Variants in RFX6 observed in about 807,000 individuals in gnomAD.
RFX6 encodes the protein regulatory factor X6.
Under a neutral mutation model 110.8 loss-of-function variants are expected in RFX6, and 50 were observed. That is an observed-to-expected ratio of 0.45 (90% CI 0.36 to 0.57). The LOEUF (loss-of-function observed/expected upper bound fraction) is 0.57, where lower values mean the gene tolerates loss of function less well. RFX6 is among the 20% of genes least tolerant of loss of function. The pLI, the probability that RFX6 is intolerant of heterozygous loss-of-function variation, is 0.00. For synonymous variants in RFX6, 383 were observed against 411.2 expected, an observed-to-expected ratio of 0.93 and a Z score of 0.83; for missense variants, 990 against 1,127.0, an observed-to-expected ratio of 0.88 and a Z score of 1.74.
chr6:116,916,923 C>T (rs1056126282), intron 9 of RFX6, among the ~76,000 whole-genome samples: 1 of 152,094 alleles, frequency 6.6e-6, no homozygotes, highest in Non-Finnish European at 1.5e-5. Flanking sequence ...ATGGATAAAA[C>T]TATATTGCAA....
chr6:116,877,263 G>C lies in RFX6; in HGVS notation c.-13G>C, dbSNP rs371297678. 3.1e-5 allele frequency: 50 copies of C among 1,596,656 alleles called. No homozygotes were observed. Among genetic ancestry groups the C allele is most frequent in the Non-Finnish European group, 4.1e-5 (48 of 1,170,770 alleles). On this transcript the variant is annotated 5_prime_UTR_variant, in exon 1 of 19. Transcript: ENST00000332958. ...CCGAGCGGCGCGCGCGGAGGTGTCC[G>C]GCGGCCAGGAGGATGGCCAAGGTCC...
rs1052837609 is a variant in RFX6 at position 116,914,558 on chromosome 6, A to T, written c.781-1450A>T. 3.9e-5 allele frequency among the ~76,000 whole-genome samples: 6 copies of T among 152,228 alleles called. No homozygotes were observed. The South Asian group carries it at 1.2e-3, about 32-fold the overall frequency. ...TGAAAATATAATAGCATTGCCTGAAATATAGAGCAATTCTCATTTGCATTG... is the reference window on the plus strand; with the variant it reads ...TGAAAATATAATAGCATTGCCTGAATTATAGAGCAATTCTCATTTGCATTG... On this transcript the variant is annotated intron_variant, in intron 7 of 18. Transcript: ENST00000332958.
At chr6:116,924,620 C>G (rs777509462) in intron 14 of RFX6, 49 bp from the exon 15 acceptor site, 1 of 1,563,376 alleles carries the variant, frequency 6.4e-7, no homozygotes, top group Non-Finnish European at 8.8e-7. Flanking sequence ...TTTCTCTCCC[C>G]TTTTTACATT....
intron 6 of RFX6, among the ~76,000 whole-genome samples, chr6:116,909,680 CAT>C (rs1156607006): frequency 6.1e-5 from 8 of 130,984 alleles, no homozygotes; most frequent in Non-Finnish European, 9.8e-5. Context: ...AAAAATTAAA[CAT>C]AATTTTTAAA....
intron 6 of RFX6, among the ~76,000 whole-genome samples, chr6:116,906,555 G>A (rs1235802851): frequency 2.0e-5 from 3 of 151,934 alleles, no homozygotes; most frequent in Non-Finnish European, 2.9e-5. Flanking sequence ...TATGTAGTTT[G>A]TATTGTACAA....
intron 4 of RFX6, 80 bp downstream of exon 4, chr6:116,882,508 TC>T: frequency 4.8e-6 from 5 of 1,038,232 alleles, no homozygotes; most frequent in Non-Finnish European, 7.6e-6. Flanking sequence ...ATTGTCTTTG[TC>T]AGTACAAAGA....
intron 6 of RFX6, among the ~76,000 whole-genome samples, chr6:116,902,576 C>T (rs1468973038): frequency 6.6e-6 from 1 of 151,894 alleles, no homozygotes; most frequent in East Asian, 1.9e-4. Flanking sequence ...TATTTTCTCC[C>T]CATCAAAGAA....
In RFX6 at chr6:116,895,212, G is replaced by T; in HGVS notation, c.672+5G>T. ...GGAAGCAAGCTAAAGAATGAGGTAA[G>T]AATTATTTTCATCTCTATTTTACAT... On this transcript the variant is annotated splice_donor_5th_base_variant and intron_variant, in intron 6 of 18. Coordinates refer to ENST00000332958, the MANE Select transcript of RFX6 (RefSeq NM_173560.4). 6.9e-7 allele frequency: 1 copy of T among 1,442,956 alleles called. No individual in the cohort carries two copies. The highest frequency in any genetic ancestry group is 1.1e-5 in the South Asian group (1 of 87,366). 89.4% of individuals were successfully genotyped at this position (1,442,956 alleles called of 1,614,324 possible).
chr6:116,916,401 ATATGT>A (rs1775464243), intron 9 of RFX6, 87 bp downstream of exon 9: 1 of 869,988 alleles, frequency 1.1e-6, no homozygotes, highest in Non-Finnish European at 1.9e-6. Context: ...TTTTCAGTAA[ATATGT>A]TATTTATGGC....
chr6:116,914,439 A>G (rs1775420168), intron 7 of RFX6, among the ~76,000 whole-genome samples: 1 of 152,152 alleles, frequency 6.6e-6, no homozygotes, highest in African/African-American at 2.4e-5. Flanking sequence ...CTGGATATAT[A>G]CAGAAAGGGT....
In RFX6 at chr6:116,877,446, G is replaced by A. The variant is rs752179365; in HGVS notation, c.171G>A (p.Gln57=). The A allele has an allele frequency of 1.3e-6, 2 of 1,581,914 alleles. No homozygotes were observed. Among genetic ancestry groups the A allele is most frequent in the East Asian group, 4.6e-5 (2 of 43,192 alleles). ...CCGAAGGGCAGCCCGGGGGCGAGCA[G>A]GGCGGCGGGGAGAAAGGCGAAGACC... ...LAAEGQPGGE[Q]GGGEKGEDPE... The change falls in exon 1 of 19, where the codon CAG becomes CAA. Residue 57 remains glutamine, a synonymous_variant. Coordinates refer to ENST00000332958, the MANE Select transcript of RFX6 (RefSeq NM_173560.4).
At chr6:116,916,431 C>CTT in intron 9 of RFX6, 117 bp downstream of exon 9, 4 of 681,348 alleles carry the variant, frequency 5.9e-6, no homozygotes, top group Non-Finnish European at 1.0e-5. Flanking sequence ...TATACACTGT[C>CTT]TTTTTTTTTG....
intron 6 of RFX6, among the ~76,000 whole-genome samples, chr6:116,907,376 A>G (rs535440982): frequency 4.1e-4 from 63 of 152,246 alleles, no homozygotes; most frequent in African/African-American, 1.3e-3. Flanking sequence ...GCCTCATAGA[A>G]TAAGTTACAA....
At chr6:116,914,102 C>T (rs939832600) in intron 7 of RFX6, among the ~76,000 whole-genome samples, 8 of 152,164 alleles carry the variant, frequency 5.3e-5, no homozygotes, top group Non-Finnish European at 1.0e-4. Context: ...TCTTTCCGAC[C>T]TCTGGTAACC....
At chr6:116,896,971 G>T (rs908502520) in intron 6 of RFX6, among the ~76,000 whole-genome samples, 1 of 152,118 alleles carries the variant, frequency 6.6e-6, no homozygotes, top group Non-Finnish European at 1.5e-5. Flanking sequence ...GAGACAAAAT[G>T]GTGAATGAAG....
In RFX6 at chr6:116,924,888, C is replaced by T. The variant is rs1047313916; in HGVS notation, c.1678+97C>T. On this transcript the variant is annotated intron_variant, in intron 15 of 18. Transcript: ENST00000332958. Reference sequence around the variant, plus strand: ...AGATATTAAGTGGGTTTATCATAATCTCAGAGTTTTTCTCCAAACATGTCA... The same window carrying T: ...AGATATTAAGTGGGTTTATCATAATTTCAGAGTTTTTCTCCAAACATGTCA... 3.3e-5 allele frequency: 29 copies of T among 876,788 alleles called. No homozygotes were observed. In the African/African-American group the frequency reaches 3.7e-4, roughly 11 times the overall value. 54.3% of individuals were successfully genotyped at this position (876,788 alleles called of 1,614,324 possible). A position where few individuals can be genotyped will look rare whatever the true frequency, so the allele number is the denominator to read the frequency against.
Position 116,927,810 on chromosome 6 carries a change from C to G in RFX6, c.2398+271C>G, listed in dbSNP as rs117709442. On this transcript the variant is annotated intron_variant, in intron 17 of 18. Coordinates refer to ENST00000332958, the MANE Select transcript of RFX6 (RefSeq NM_173560.4). ...CCCAGGCTGGAGTGCTTGGCAGGAT[C>G]ATGATTCACTGCAGCCTCAAACCCC... Among the ~76,000 whole-genome samples, 263 of 139,286 alleles carry G rather than the reference C, an allele frequency of 1.9e-3. 4 individuals are homozygous for G. In the East Asian group the frequency reaches 0.048, roughly 26 times the overall value. The allele number at this position is 139,286 out of a possible 152,430, so 91.4% of individuals were successfully genotyped here.
chr6:116,887,197 G>T (rs918410698), intron 4 of RFX6, among the ~76,000 whole-genome samples: 3 of 152,138 alleles, frequency 2.0e-5, no homozygotes, highest in East Asian at 3.8e-4. Flanking sequence ...TTTGTTTTCA[G>T]TGGCAAGTTC....
At chr6:116,887,570 A>T (rs999668382) in intron 4 of RFX6, among the ~76,000 whole-genome samples, 4 of 152,212 alleles carry the variant, frequency 2.6e-5, no homozygotes, top group African/African-American at 9.7e-5. Flanking sequence ...GAGGTTTTGA[A>T]TAAATAAAAA....
Sources: allele counts gnomAD v4.1 joint callset (sites outside exome capture counted in the v4.1 genomes callset), GRCh38; gene constraint gnomAD v4.1.1; transcripts MANE v1.5; gene names NCBI Gene and HGNC (gene_info 2026-07-23, HGNC 2026-07-21).